LRCH2: variants seen among roughly 807,000 people sequenced by gnomAD.
The protein encoded by LRCH2 is leucine rich repeats and calponin homology domain containing 2.
A neutral mutation model predicts 68.9 loss-of-function variants in LRCH2; 38 were observed. The observed-to-expected ratio is 0.55, with a 90% CI of 0.43 to 0.72. The LOEUF is 0.72. Ranked by LOEUF, LRCH2 falls within the 30% of genes least tolerant of loss-of-function variation. LRCH2 has a pLI of 0.00. For synonymous variants in LRCH2, 191 were observed against 208.1 expected, an observed-to-expected ratio of 0.92 and a Z score of 0.71; for missense variants, 528 against 572.9, an observed-to-expected ratio of 0.92 and a Z score of 0.80.
At chrX:115,205,687 C>T (rs1245660203) in intron 1 of LRCH2, among the ~76,000 whole-genome samples, 1 of 111,458 alleles carries the variant, frequency 9.0e-6, no homozygotes, top group Non-Finnish European at 1.9e-5. Context: ...GCCTGTAATC[C>T]CAGCACTTTG....
At chrX:115,145,150 C>T (rs974471210) in intron 14 of LRCH2, among the ~76,000 whole-genome samples, 9 of 111,608 alleles carry the variant, frequency 8.1e-5, no homozygotes, top group Non-Finnish European at 1.3e-4. Context: ...CACACACCTA[C>T]AGTGAACTCA....
intron 1 of LRCH2, among the ~76,000 whole-genome samples, chrX:115,213,840 A>C (rs1314892839): frequency 8.9e-6 from 1 of 111,903 alleles, no homozygotes; most frequent in African/African-American, 3.2e-5. Context: ...AAATCACTTA[A>C]TTCCTATTTC....
chrX:115,132,106 T>G (rs782046160), intron 14 of LRCH2, among the ~76,000 whole-genome samples: 2 of 112,060 alleles, frequency 1.8e-5, no homozygotes, highest in South Asian at 7.5e-4. Flanking sequence ...TTTGTCAATT[T>G]TGGCTTTCGT....
In LRCH2 at chrX:115,166,261, T is replaced by A; in HGVS notation, c.1080A>T (p.Thr360=). Reference sequence around the variant, plus strand: ...AGCAATAGAAAATACTCACTTCTGTTGTGGATAATCGTTTCTCTCCATTAT... The same window carrying A: ...AGCAATAGAAAATACTCACTTCTGTAGTGGATAATCGTTTCTCTCCATTAT... The part of the protein sequence containing the change: ...GSDNGEKRLS[T]TEPSDDDTVS... The change falls in exon 7 of 21, where the codon ACA becomes ACT. Residue 360 remains threonine (T), a synonymous_variant. Transcript: ENST00000317135. The A allele has an allele frequency of 8.5e-7, 1 of 1,181,996 alleles. No individual in the cohort carries two copies. The highest frequency in any genetic ancestry group is 1.1e-6 in the Non-Finnish European group (1 of 871,857).
At chrX:115,189,942 G>A (rs62601528) in intron 1 of LRCH2, 166,191 of 1,158,351 alleles carry the variant, frequency 0.14, 9,040 homozygotes, top group Non-Finnish European at 0.16. Flanking sequence ...GGGCCACGCC[G>A]TCGAGCCTGG....
chrX:115,203,301 A>C (rs1256495335), intron 1 of LRCH2, among the ~76,000 whole-genome samples: 1 of 112,092 alleles, frequency 8.9e-6, no homozygotes, highest in Non-Finnish European at 1.9e-5. Context: ...TTATAATTCA[A>C]TATGAGACTT....
chrX:115,167,644 T>C (rs1228372617), intron 6 of LRCH2, among the ~76,000 whole-genome samples: 4 of 110,780 alleles, frequency 3.6e-5, no homozygotes, highest in Admixed American at 9.6e-5. Flanking sequence ...ATTATTATCT[T>C]TTTACAAAAA....
At chrX:115,116,561 G>A (rs2072084742) in intron 20 of LRCH2, among the ~76,000 whole-genome samples, 1 of 111,235 alleles carries the variant, frequency 9.0e-6, no homozygotes, top group South Asian at 3.7e-4. Context: ...TTTCTGGGGT[G>A]ACGAAAATAT....
chrX:115,151,577 C>G (rs2072432399), intron 12 of LRCH2, among the ~76,000 whole-genome samples: 1 of 111,209 alleles, frequency 9.0e-6, no homozygotes, highest in African/African-American at 3.3e-5. Context: ...GCCTATGGGA[C>G]AAACAATCAA....
chrX:115,206,248 T>C (rs1340529886), intron 1 of LRCH2, among the ~76,000 whole-genome samples: 2 of 112,624 alleles, frequency 1.8e-5, no homozygotes, highest in African/African-American at 6.5e-5. Context: ...AAAATTATAA[T>C]TATTATTCTA....
intron 12 of LRCH2, 31 bp from the exon 13 acceptor site, chrX:115,150,101 A>G: frequency 1.0e-6 from 1 of 983,896 alleles, no homozygotes; most frequent in South Asian, 2.5e-5. Flanking sequence ...TAATACGTTA[A>G]AATATTTAGA....
At chrX:115,125,449 A>ACG (rs2072180171) in intron 16 of LRCH2, among the ~76,000 whole-genome samples, 1 of 44 alleles carries the variant, frequency 0.023, no homozygotes, top group Non-Finnish European at 0.042. Context: ...ATATATATAT[A>ACG]TATATATATA....
chrX:115,187,098 G>C (rs376823849), intron 2 of LRCH2, among the ~76,000 whole-genome samples: 2 of 111,708 alleles, frequency 1.8e-5, no homozygotes, highest in Non-Finnish European at 3.8e-5. Flanking sequence ...GATTACAGGC[G>C]TGAGCCACCG....
intron 14 of LRCH2, among the ~76,000 whole-genome samples, chrX:115,146,985 G>A (rs1556536545): frequency 1.0e-5 from 1 of 98,253 alleles, no homozygotes; most frequent in Non-Finnish European, 2.0e-5. Context: ...GAATAACCAT[G>A]ACAAATAATT....
At chrX:115,123,022 A>C (rs2072157077) in intron 18 of LRCH2, 58 bp downstream of exon 18, 1 of 1,130,187 alleles carries the variant, frequency 8.8e-7, no homozygotes. Context: ...ACGCCTTATT[A>C]ATTTTCCAAG....
chrX:115,174,470 T>C (rs1290014353), intron 5 of LRCH2, among the ~76,000 whole-genome samples: 1 of 109,297 alleles, frequency 9.1e-6, no homozygotes, highest in Non-Finnish European at 1.9e-5. Context: ...ACAGCATTTA[T>C]CTTTCTGTGT....
chrX:115,189,192 A>T (rs1556555835), intron 1 of LRCH2, among the ~76,000 whole-genome samples: 1 of 112,468 alleles, frequency 8.9e-6, no homozygotes, highest in Admixed American at 9.4e-5. Context: ...TCTGGCTTAG[A>T]AGACTACACT....
Position 115,191,818 on chromosome X carries a change from G to C in LRCH2, c.350-3448C>G, listed in dbSNP as rs947590231. 6.1e-5 allele frequency: 70 copies of C among 1,152,092 alleles called. No individual in the cohort carries two copies. In the Admixed American group the frequency reaches 1.9e-3, roughly 31 times the overall value. The allele number at this position is 1,152,092 out of a possible 1,213,427, so 94.9% of individuals were successfully genotyped here. A position where few individuals can be genotyped will look rare whatever the true frequency, so the allele number is the denominator to read the frequency against. On this transcript the variant is annotated intron_variant, in intron 1 of 20. Coordinates refer to ENST00000317135, the MANE Select transcript of LRCH2 (RefSeq NM_020871.4). ...CCGCTCGCTCGATGCCAACAGCGGA[G>C]GCCGCTCACCCAATGCCTACAGCGG... is the stretch of plus-strand genomic sequence containing the variant.
chrX:115,224,172 G>A (rs2073103596), intron 1 of LRCH2, among the ~76,000 whole-genome samples: 1 of 111,544 alleles, frequency 9.0e-6, no homozygotes, highest in African/African-American at 3.3e-5. Context: ...TAAATCTATA[G>A]AGACAGAAAA....
Sources: allele counts gnomAD v4.1 joint callset (sites outside exome capture counted in the v4.1 genomes callset), GRCh38; gene constraint gnomAD v4.1.1; transcripts MANE v1.5; gene names NCBI Gene and HGNC (gene_info 2026-07-23, HGNC 2026-07-21).